EBF1: variants seen among roughly 807,000 people sequenced by gnomAD.
EBF1 encodes the protein transcription factor COE1.
EBF1 carries 10 observed loss-of-function variants against 68.4 expected under a neutral mutation model. That is an observed-to-expected ratio of 0.15 (90% confidence interval 0.09 to 0.25). The LOEUF is 0.25. Among genes scored for constraint, EBF1 ranks in the 10% least tolerant of loss-of-function variants. The pLI, the probability that EBF1 is intolerant of heterozygous loss-of-function variation, is 1.00. For missense variants in EBF1, 509 were observed against 794.4 expected (o/e 0.64, Z 4.32); for synonymous variants, 298 against 299.8 (o/e 0.99, Z 0.06).
rs138969494 is a variant in EBF1 at position 158,908,981 on chromosome 5, C to T, written c.555-68871G>A. On this transcript the variant is annotated intron_variant, in intron 6 of 15. Coordinates refer to ENST00000313708, the MANE Select transcript of EBF1 (RefSeq NM_024007.5). ...TGGCTCTCAACAGTGCCCCTCCTGCCGTCTGTATTATTTAAAGGAGATTTA... is the reference window on the plus strand; with the variant it reads ...TGGCTCTCAACAGTGCCCCTCCTGCTGTCTGTATTATTTAAAGGAGATTTA... Among the ~76,000 whole-genome samples the T allele has an allele frequency of 1.5e-3, 231 of 152,216 alleles. 1 individual carries two copies. Among genetic ancestry groups the T allele is most frequent in the African/African-American group, 5.4e-3 (223 of 41,508 alleles).
intron 6 of EBF1, among the ~76,000 whole-genome samples, chr5:159,050,900 T>G (rs937184673): frequency 1.3e-5 from 2 of 152,164 alleles, no homozygotes; most frequent in African/African-American, 4.8e-5. Context: ...TTTAGAGCCT[T>G]TGACACATAA....
Position 158,932,076 on chromosome 5 carries a change from G to A in EBF1, c.555-91966C>T, listed in dbSNP as rs561514069. ...ACTCTCACCCGTGGGAGGGGAGGGA[G>A]CACACATTGGCACAGCCTCTCTGGG... On this transcript the variant is annotated intron_variant, in intron 6 of 15. Transcript: ENST00000313708. Among the ~76,000 whole-genome samples the A allele has an allele frequency of 2.6e-5, 4 of 152,292 alleles. No homozygotes were observed. In the South Asian group the frequency reaches 6.2e-4, roughly 24 times the overall value.
chr5:158,947,414 G>T (rs1354895162), intron 6 of EBF1, among the ~76,000 whole-genome samples: 1 of 152,172 alleles, frequency 6.6e-6, no homozygotes, highest in Non-Finnish European at 1.5e-5. Flanking sequence ...CTCACAGCAG[G>T]GTCCCTCACG....
At chr5:158,711,406 C>G (rs1481772108) in intron 14 of EBF1, among the ~76,000 whole-genome samples, 1 of 152,174 alleles carries the variant, frequency 6.6e-6, no homozygotes, top group East Asian at 1.9e-4. Flanking sequence ...ATTAGATTTA[C>G]TAAATGTGCC....
chr5:158,998,406 T>A (rs1391657474), intron 6 of EBF1, among the ~76,000 whole-genome samples: 2 of 152,184 alleles, frequency 1.3e-5, no homozygotes, highest in Non-Finnish European at 2.9e-5. Context: ...TACCTGAGAT[T>A]ATAGCATATA....
intron 6 of EBF1, among the ~76,000 whole-genome samples, chr5:159,006,328 T>A (rs1763530589): frequency 6.6e-6 from 1 of 152,066 alleles, no homozygotes; most frequent in Non-Finnish European, 1.5e-5. Context: ...CTGGAGTATT[T>A]AGTGGGGATG....
chr5:158,854,004 C>T (rs900544856), intron 6 of EBF1, among the ~76,000 whole-genome samples: 6 of 152,090 alleles, frequency 3.9e-5, no homozygotes, highest in African/African-American at 7.2e-5. Context: ...CTTCTCCAGC[C>T]GACTGACTCC....
At chr5:158,904,797 C>G (rs576550214) in intron 6 of EBF1, among the ~76,000 whole-genome samples, 9 of 152,256 alleles carry the variant, frequency 5.9e-5, no homozygotes, top group African/African-American at 1.9e-4. Context: ...GCTCGCCGGT[C>G]TGCCCCAGTC....
intron 7 of EBF1, among the ~76,000 whole-genome samples, chr5:158,827,039 C>A (rs1786302295): frequency 6.6e-6 from 1 of 152,150 alleles, no homozygotes; most frequent in Non-Finnish European, 1.5e-5. Context: ...GAATAACCAC[C>A]ATACTTAACT....
At chr5:159,079,425 C>T (rs1779353223) in intron 5 of EBF1, among the ~76,000 whole-genome samples, 1 of 152,160 alleles carries the variant, frequency 6.6e-6, no homozygotes, top group African/African-American at 2.4e-5. Flanking sequence ...ATAAGAGTCC[C>T]TGTCACTACT....
intron 15 of EBF1, among the ~76,000 whole-genome samples, chr5:158,706,519 T>C (rs1757915741): frequency 1.3e-5 from 2 of 152,220 alleles, no homozygotes; most frequent in African/African-American, 2.4e-5. Flanking sequence ...AGAATCACTA[T>C]ATGCTCATCA....
intron 6 of EBF1, among the ~76,000 whole-genome samples, chr5:158,955,315 C>T (rs765185256): frequency 5.9e-5 from 9 of 151,430 alleles, no homozygotes; most frequent in Non-Finnish European, 1.2e-4. Context: ...AAGAGCGAAA[C>T]TCCATCTAAA....
chr5:158,826,826 G>A (rs1399878198), intron 7 of EBF1, among the ~76,000 whole-genome samples: 1 of 152,110 alleles, frequency 6.6e-6, no homozygotes, highest in Non-Finnish European at 1.5e-5. Context: ...TCAATTTCTT[G>A]GCTCATATCA....
chr5:159,051,452 C>A (rs1169259127), intron 6 of EBF1, among the ~76,000 whole-genome samples: 2 of 143,626 alleles, frequency 1.4e-5, no homozygotes, highest in Admixed American at 1.4e-4. Flanking sequence ...CCCACCCCGC[C>A]GCCCGGCGGC....
At chr5:159,045,903 G>T (rs1041095873) in intron 6 of EBF1, among the ~76,000 whole-genome samples, 14 of 152,110 alleles carry the variant, frequency 9.2e-5, no homozygotes, top group Admixed American at 7.9e-4. Context: ...AAATGATCCA[G>T]ACAGTTCACC....
chr5:158,771,588 AG>A (rs1447062965), intron 10 of EBF1, among the ~76,000 whole-genome samples: 5 of 152,278 alleles, frequency 3.3e-5, no homozygotes, highest in African/African-American at 1.2e-4. Flanking sequence ...AATAAGATTG[AG>A]GAAGAGTTTC....
chr5:158,909,438 C>T (rs1356728721), intron 6 of EBF1, among the ~76,000 whole-genome samples: 3 of 152,050 alleles, frequency 2.0e-5, no homozygotes, highest in African/African-American at 4.8e-5. Flanking sequence ...GAACCCTGGT[C>T]GCATATTAAA....
At chr5:158,773,309 C>A (rs190497625) in intron 10 of EBF1, among the ~76,000 whole-genome samples, 16 of 152,214 alleles carry the variant, frequency 1.1e-4, no homozygotes, top group Non-Finnish European at 5.9e-5. Context: ...TTATTCTGGG[C>A]ACAAGGTACA....
chr5:158,883,934 A>G (rs1020292512), intron 6 of EBF1, among the ~76,000 whole-genome samples: 1 of 152,168 alleles, frequency 6.6e-6, no homozygotes, highest in African/African-American at 2.4e-5. Context: ...AGCACAGCAA[A>G]AAGTTAGGAA....
Sources: allele counts gnomAD v4.1 joint callset (sites outside exome capture counted in the v4.1 genomes callset), GRCh38; gene constraint gnomAD v4.1.1; transcripts MANE v1.5; gene names NCBI Gene and HGNC (gene_info 2026-07-23, HGNC 2026-07-21).